The following MGST2 variants were observed in gnomAD, a reference collection of about 807,000 sequenced individuals.
MGST2 encodes the protein glutathione peroxidase MGST2.
MGST2 carries 9 observed loss-of-function variants against 16.6 expected under a neutral mutation model. That is an observed-to-expected ratio of 0.54 (90% CI 0.33 to 0.95). The LOEUF is 0.95. MGST2 is among the 40% of genes least tolerant of loss of function. The pLI is 0.03. For synonymous variants in MGST2, 79 were observed against 68.0 expected (o/e 1.16, Z -0.79); for missense variants, 159 against 175.1 (o/e 0.91, Z 0.52).
intron 2 of MGST2, among the ~76,000 whole-genome samples, chr4:139,683,016 C>T (rs1375271263): frequency 2.0e-5 from 3 of 152,218 alleles, no homozygotes; most frequent in African/African-American, 7.2e-5. Context: ...GTGGCTCCAC[C>T]CTGTTCCTCC....
chr4:139,700,149 T>TTG (rs35799461), intron 3 of MGST2, among the ~76,000 whole-genome samples: 1 of 112,974 alleles, frequency 8.9e-6, no homozygotes, highest in South Asian at 2.8e-4. Context: ...TTTTTTTTTT[T>TTG]GAGATGGAGT....
intron 1 of MGST2, among the ~76,000 whole-genome samples, chr4:139,675,469 C>G (rs1468838177): frequency 6.6e-6 from 1 of 152,164 alleles, no homozygotes; most frequent in Admixed American, 6.5e-5. Flanking sequence ...AGTTGATTAT[C>G]TAATGAAATA....
downstream of MGST2, among the ~76,000 whole-genome samples, chr4:139,705,180 G>C (rs345977): frequency 0.88 from 133,269 of 152,192 alleles, 58,331 homozygotes; most frequent in East Asian, 0.91. Context: ...CTCTGCCCGG[G>C]CAACAAAAGC....
chr4:139,682,022 T>G (rs967893378), intron 2 of MGST2, among the ~76,000 whole-genome samples: 1 of 151,638 alleles, frequency 6.6e-6, no homozygotes, highest in Non-Finnish European at 1.5e-5. Context: ...AAGAGCCCCC[T>G]CTCTCTATTA....
intron 2 of MGST2, among the ~76,000 whole-genome samples, chr4:139,684,311 C>T (rs1731431594): frequency 6.6e-6 from 1 of 152,164 alleles, no homozygotes; most frequent in Non-Finnish European, 1.5e-5. Context: ...TTACCTCCCA[C>T]CAGGTCCCTC....
chr4:139,691,676 G>GATTATTATTATT (rs1560747720), intron 2 of MGST2, among the ~76,000 whole-genome samples: 2 of 135,118 alleles, frequency 1.5e-5, no homozygotes, highest in African/African-American at 6.5e-5. Flanking sequence ...AGATGATGAT[G>GATTATTATTATT]ATGATGATGA....
chr4:139,713,496 AAGG>A (rs1243777693), intron 5 of MGST2, among the ~76,000 whole-genome samples: 5 of 151,342 alleles, frequency 3.3e-5, no homozygotes, highest in Admixed American at 6.6e-5. Flanking sequence ...AAAAAAAAAA[AAGG>A]AGAAAAATAA....
downstream of MGST2, among the ~76,000 whole-genome samples, chr4:139,740,996 G>T (rs547640587): frequency 5.1e-3 from 775 of 152,284 alleles, 1 homozygote; most frequent in Non-Finnish European, 6.7e-3. Flanking sequence ...CCGGTTTCCC[G>T]ACTGCTGAAC....
At chr4:139,708,718 A>G (rs1727614987), downstream of MGST2, among the ~76,000 whole-genome samples, 1 of 152,114 alleles carries the variant, frequency 6.6e-6, no homozygotes, top group South Asian at 2.1e-4. Context: ...AAAAACAACT[A>G]TGGGCCAGGC....
intron 2 of MGST2, among the ~76,000 whole-genome samples, chr4:139,692,466 C>A (rs1008525990): frequency 6.6e-6 from 1 of 152,212 alleles, no homozygotes; most frequent in Non-Finnish European, 1.5e-5. Flanking sequence ...GAGTACAATA[C>A]CCTCCCCAGG....
At chr4:139,752,117 C>T in the MGST2 span, among the ~76,000 whole-genome samples, 1 of 152,150 alleles carries the variant, frequency 6.6e-6, no homozygotes, top group African/African-American at 2.4e-5. Flanking sequence ...GCAATTTCTA[C>T]AAAATGTTAC....
At chr4:139,738,082 G>A (rs1729014462) in intron 5 of MGST2, among the ~76,000 whole-genome samples, 1 of 147,794 alleles carries the variant, frequency 6.8e-6, no homozygotes, top group East Asian at 1.9e-4. Context: ...ACAGGCCTGG[G>A]TAGAAACTCA....
chr4:139,709,564 A>G (rs149008450), intron 5 of MGST2, among the ~76,000 whole-genome samples: 193 of 152,344 alleles, frequency 1.3e-3, no homozygotes, highest in African/African-American at 4.2e-3. Context: ...GTTCTGCGAA[A>G]TATATATGTG....
At chr4:139,677,231 C>T (rs187696270) in intron 1 of MGST2, among the ~76,000 whole-genome samples, 28 of 151,836 alleles carry the variant, frequency 1.8e-4, no homozygotes, top group Admixed American at 6.6e-4. Context: ...ATGCCCGTGA[C>T]ATAAAAGGAC....
chr4:139,720,244 G>A (rs371995834), intron 5 of MGST2: 30 of 1,605,460 alleles, frequency 1.9e-5, no homozygotes, highest in East Asian at 4.5e-5. Flanking sequence ...TCATGCCTGC[G>A]TTCTGTGCCA....
rs539146783 is a variant in MGST2 at position 139,730,877 on chromosome 4, G to A, written c.*49-9335G>A. Reference sequence around the variant, plus strand: ...AGAGAGGCCACAAGGGACAGTAAGAGAGCATGGCTCTGGGAAGTCCAAGGC... The same window carrying A: ...AGAGAGGCCACAAGGGACAGTAAGAAAGCATGGCTCTGGGAAGTCCAAGGC... On this transcript the variant is annotated intron_variant, in intron 5 of 5. Coordinates refer to the MGST2 transcript ENST00000616265. 6.7e-6 allele frequency: 4 copies of A among 592,668 alleles called. No homozygotes were observed. In the South Asian group the frequency reaches 8.3e-5, roughly 12 times the overall value. The allele number at this position is 592,668 out of a possible 1,614,324, so 36.7% of individuals were successfully genotyped here. A position where few individuals can be genotyped will look rare whatever the true frequency, so the allele number is the denominator to read the frequency against.
chr4:139,735,062 C>G lies in MGST2; in HGVS notation c.*49-5150C>G, dbSNP rs541634497. On this transcript the variant is annotated intron_variant, in intron 5 of 5. Coordinates refer to the MGST2 transcript ENST00000616265. The surrounding 1 kb of genome is among the most constrained non-coding windows in gnomAD (Gnocchi z 5.8). ...GCAGATGGCTTAATCAGGGCTCCCGCCCGCCCCTCCGCGGCCCCCGCCCCG... is the reference window on the plus strand; with the variant it reads ...GCAGATGGCTTAATCAGGGCTCCCGGCCGCCCCTCCGCGGCCCCCGCCCCG... Among the ~76,000 whole-genome samples, 102 of 152,326 alleles carry G rather than the reference C, an allele frequency of 6.7e-4. No individual in the cohort carries two copies. The highest frequency in any genetic ancestry group is 2.4e-3 in the African/African-American group (100 of 41,590).
chr4:139,720,711 C>T (rs1414706626), intron 5 of MGST2, among the ~76,000 whole-genome samples: 4 of 152,186 alleles, frequency 2.6e-5, no homozygotes, highest in African/African-American at 4.8e-5. Context: ...CAAATTATTT[C>T]GTACTCTTAT....
intron 5 of MGST2, among the ~76,000 whole-genome samples, chr4:139,739,752 A>G (rs1454190150): frequency 6.7e-6 from 1 of 150,096 alleles, no homozygotes; most frequent in Admixed American, 6.6e-5. Context: ...CAGTTTCTAA[A>G]AACACTAGCC....
Sources: allele counts gnomAD v4.1 joint callset (sites outside exome capture counted in the v4.1 genomes callset), GRCh38; gene constraint gnomAD v4.1.1; non-coding constraint Gnocchi (gnomAD v3.1); transcripts MANE v1.5; gene names NCBI Gene and HGNC (gene_info 2026-07-23, HGNC 2026-07-21).